ASTN2: variants seen among roughly 807,000 people sequenced by gnomAD.
The protein encoded by ASTN2 is astrotactin-2.
ASTN2 carries 54 observed loss-of-function variants against 139.8 expected under a neutral mutation model. The ratio of observed to expected loss-of-function variants is 0.39; its 90% CI spans 0.31 to 0.48. The LOEUF is 0.48. ASTN2 is among the 20% of genes least tolerant of loss of function. The pLI, the probability that ASTN2 is intolerant of heterozygous loss-of-function variation, is 0.95. For missense variants in ASTN2, 1,565 were observed against 1,725.1 expected (o/e 0.91, Z 1.64); for synonymous variants, 756 against 719.5 (o/e 1.05, Z -0.81).
At chr9:116,818,845 A>T (rs369268972) in intron 12 of ASTN2, among the ~76,000 whole-genome samples, 53 of 152,234 alleles carry the variant, frequency 3.5e-4, no homozygotes, top group African/African-American at 1.2e-3. Flanking sequence ...ACAGAGACAT[A>T]AATTAACTTG....
intron 19 of ASTN2, among the ~76,000 whole-genome samples, chr9:116,595,572 A>C (rs1854532996): frequency 6.6e-6 from 1 of 151,898 alleles, no homozygotes; most frequent in Admixed American, 6.6e-5. Context: ...TGGTCCGCCC[A>C]CCTCAACCTC....
chr9:117,007,353 CAG>C, intron 7 of ASTN2, among the ~76,000 whole-genome samples: 1 of 152,296 alleles, frequency 6.6e-6, no homozygotes, highest in South Asian at 2.1e-4. Context: ...TAGAAATTTT[CAG>C]AGTGATGAAG....
intron 7 of ASTN2, among the ~76,000 whole-genome samples, chr9:116,987,578 A>G (rs1343746289): frequency 6.6e-6 from 1 of 152,226 alleles, no homozygotes; most frequent in Non-Finnish European, 1.5e-5. Context: ...TGGAACTGTG[A>G]GTCAATTAAA....
At chr9:116,468,432 T>C (rs1277479732) in intron 20 of ASTN2, among the ~76,000 whole-genome samples, 4 of 152,048 alleles carry the variant, frequency 2.6e-5, no homozygotes, top group Non-Finnish European at 2.9e-5. Context: ...GGAATTGGAG[T>C]AGAGTTCTTA....
At chr9:117,053,190 G>A (rs866265622) in intron 5 of ASTN2, among the ~76,000 whole-genome samples, 78 of 151,834 alleles carry the variant, frequency 5.1e-4, no homozygotes, top group African/African-American at 1.8e-3. Context: ...GGTGACTCAA[G>A]CCTGCAATCC....
intron 4 of ASTN2, among the ~76,000 whole-genome samples, chr9:117,102,755 T>C (rs924817063): frequency 3.9e-5 from 6 of 152,084 alleles, no homozygotes; most frequent in Non-Finnish European, 7.4e-5. Flanking sequence ...CTCCTGACCT[T>C]AGATGATCTG....
chr9:116,715,808 C>A (rs185436591), intron 16 of ASTN2, among the ~76,000 whole-genome samples: 62 of 152,142 alleles, frequency 4.1e-4, no homozygotes, highest in Non-Finnish European at 2.5e-4. Flanking sequence ...AATGATAGAG[C>A]GGTGAGAAAG....
At chr9:116,880,637 G>A (rs567489714) in intron 10 of ASTN2, among the ~76,000 whole-genome samples, 1 of 152,222 alleles carries the variant, frequency 6.6e-6, no homozygotes, top group South Asian at 2.1e-4. Flanking sequence ...TGGAGAATGG[G>A]GTAAAATACA....
intron 5 of ASTN2, among the ~76,000 whole-genome samples, chr9:117,090,448 T>C (rs1587952069): frequency 6.6e-6 from 1 of 152,148 alleles, no homozygotes; most frequent in Admixed American, 6.5e-5. Context: ...CCCTCCAAAA[T>C]AGTCCCATTC....
chr9:116,741,854 AC>A (rs1829103720), intron 13 of ASTN2, among the ~76,000 whole-genome samples: 4 of 152,294 alleles, frequency 2.6e-5, no homozygotes, highest in Admixed American at 2.0e-4. Context: ...CATATGCTCT[AC>A]TTCTTAATTA....
chr9:117,300,101 A>C (rs1016646788), intron 1 of ASTN2, among the ~76,000 whole-genome samples: 2 of 152,232 alleles, frequency 1.3e-5, no homozygotes, highest in African/African-American at 4.8e-5. Context: ...GCAATCATCC[A>C]ACGACATACT....
At chr9:116,931,391 C>T (rs1834893673) in intron 10 of ASTN2, among the ~76,000 whole-genome samples, 1 of 152,168 alleles carries the variant, frequency 6.6e-6, no homozygotes, top group Non-Finnish European at 1.5e-5. Flanking sequence ...GGAGACTTCC[C>T]TCTCATGGGG....
chr9:116,680,095 T>C lies in ASTN2; in HGVS notation c.2807-28302A>G, dbSNP rs554404216. Reference sequence around the variant, plus strand: ...TTAATGAATCCAGGAGCTGGTTTTTTGAAAGGATCAACAAAATTGATAGAC... The same window carrying C: ...TTAATGAATCCAGGAGCTGGTTTTTCGAAAGGATCAACAAAATTGATAGAC... On this transcript the variant is annotated intron_variant, in intron 16 of 22. Coordinates refer to ENST00000313400, the MANE Select transcript of ASTN2 (RefSeq NM_001365068.1). 2.0e-5 allele frequency among the ~76,000 whole-genome samples: 3 copies of C among 152,180 alleles called. No individual in the cohort carries two copies. The South Asian group carries it at 6.2e-4, about 32-fold the overall frequency.
intron 6 of ASTN2, among the ~76,000 whole-genome samples, chr9:117,039,234 G>A (rs1588502048): frequency 6.6e-6 from 1 of 152,102 alleles, no homozygotes; most frequent in South Asian, 2.1e-4. Flanking sequence ...ACACACCATG[G>A]AATACTATGA....
rs188492416 is a variant in ASTN2, at chr9:116,905,910, A to G, written c.1890-42177T>C. Among the ~76,000 whole-genome samples the G allele has an allele frequency of 3.8e-4, 58 of 150,694 alleles. No individual in the cohort carries two copies. In the East Asian group the frequency reaches 0.01, roughly 27 times the overall value. On this transcript the variant is annotated intron_variant, in intron 10 of 22. Transcript: ENST00000313400. ...TGTGCCGTTTAAGAGCCTAGGAGTCAGACATCCTCATTCAGAGATGTGGAA... is the reference window on the plus strand; with the variant it reads ...TGTGCCGTTTAAGAGCCTAGGAGTCGGACATCCTCATTCAGAGATGTGGAA...
chr9:117,118,199 T>C (rs962767984), intron 4 of ASTN2, among the ~76,000 whole-genome samples: 2 of 152,136 alleles, frequency 1.3e-5, no homozygotes, highest in African/African-American at 4.8e-5. Context: ...ATATTTCCCA[T>C]ATGGTTTGGA....
At chr9:116,625,121 T>C (rs1856377788) in intron 17 of ASTN2, among the ~76,000 whole-genome samples, 1 of 152,094 alleles carries the variant, frequency 6.6e-6, no homozygotes, top group Non-Finnish European at 1.5e-5. Flanking sequence ...ACCCTCTACC[T>C]TATAAGGCAT....
At chr9:117,121,221 T>C (rs964896186) in intron 4 of ASTN2, among the ~76,000 whole-genome samples, 1 of 152,206 alleles carries the variant, frequency 6.6e-6, no homozygotes, top group African/African-American at 2.4e-5. Context: ...GAGTATCACA[T>C]TGGTCTATTA....
rs1564359253 is a variant in ASTN2 at position 116,545,490 on chromosome 9, C to T, written c.3356-57990G>A. ...TTACACATATATCCCACAGGGAAAC[C>T]GACGAGATTGGGGCTTACACACCCT... On this transcript the variant is annotated intron_variant, in intron 19 of 22. Transcript: ENST00000313400. Among the ~76,000 whole-genome samples, 7 of 152,228 alleles carry T rather than the reference C, an allele frequency of 4.6e-5. No homozygotes were observed. In the East Asian group the frequency reaches 5.8e-4, roughly 13 times the overall value.
Sources: allele counts gnomAD v4.1 joint callset (sites outside exome capture counted in the v4.1 genomes callset), GRCh38; gene constraint gnomAD v4.1.1; transcripts MANE v1.5; gene names NCBI Gene and HGNC (gene_info 2026-07-23, HGNC 2026-07-21).